TANC2: variants seen among roughly 807,000 people sequenced by gnomAD.
TANC2 encodes the protein tetratricopeptide repeat, ankyrin repeat and coiled-coil containing 2.
In TANC2, 26 loss-of-function variants were observed where a neutral mutation model predicts 210.5. That is an observed-to-expected ratio of 0.12 (90% CI 0.09 to 0.17). TANC2 has a LOEUF of 0.17. Among genes scored for constraint, TANC2 ranks in the 10% least tolerant of loss-of-function variants. The pLI, the probability that TANC2 is intolerant of heterozygous loss-of-function variation, is 1.00. For synonymous variants in TANC2, 931 were observed against 967.1 expected (o/e 0.96, Z 0.69); for missense variants, 2,129 against 2,608.9 (o/e 0.82, Z 4.01).
intron 4 of TANC2, among the ~76,000 whole-genome samples, chr17:63,111,753 A>G (rs1408926975): frequency 6.6e-6 from 1 of 152,006 alleles, no homozygotes; most frequent in East Asian, 1.9e-4. Context: ...TTGAGACTGT[A>G]TCTCACTCTG....
intron 14 of TANC2, among the ~76,000 whole-genome samples, chr17:63,379,491 G>A (rs938525426): frequency 9.2e-5 from 14 of 152,104 alleles, no homozygotes; most frequent in African/African-American, 2.9e-4. Flanking sequence ...CCAACATGGC[G>A]AAACCCCATC....
intron 2 of TANC2, among the ~76,000 whole-genome samples, chr17:63,057,580 T>C (rs916534287): frequency 6.6e-6 from 1 of 152,084 alleles, no homozygotes; most frequent in East Asian, 1.9e-4. Flanking sequence ...CTCTCTCTGC[T>C]CTCTCCCTTC....
chr17:63,224,200 C>T (rs911281709), intron 7 of TANC2, among the ~76,000 whole-genome samples: 1 of 151,796 alleles, frequency 6.6e-6, no homozygotes, highest in African/African-American at 2.4e-5. Context: ...TTAACCATCA[C>T]CACTGATGCT....
chr17:63,339,895 A>C (rs2046169896), intron 11 of TANC2, among the ~76,000 whole-genome samples: 1 of 152,196 alleles, frequency 6.6e-6, no homozygotes, highest in Admixed American at 6.5e-5. Flanking sequence ...AGAAGTATCA[A>C]ATTTCTGATC....
intron 2 of TANC2, among the ~76,000 whole-genome samples, chr17:63,064,778 A>G (rs2036135401): frequency 6.6e-6 from 1 of 152,048 alleles, no homozygotes; most frequent in African/African-American, 2.4e-5. Context: ...AAAAGTATAT[A>G]TTTATGACAT....
chr17:63,128,605 A>G (rs73991890), intron 4 of TANC2, among the ~76,000 whole-genome samples: 10,750 of 152,306 alleles, frequency 0.071, 674 homozygotes, highest in African/African-American at 0.17. Flanking sequence ...TTTAAGGGAA[A>G]GTGTTTAATA....
chr17:63,331,419 C>A, intron 11 of TANC2, among the ~76,000 whole-genome samples: 1 of 152,158 alleles, frequency 6.6e-6, no homozygotes, highest in East Asian at 1.9e-4. Flanking sequence ...GAACAAATCC[C>A]ACCAACAGTA....
chr17:63,381,123 T>C (rs916986355), intron 15 of TANC2: 16 of 152,250 alleles, frequency 1.1e-4, no homozygotes, highest in African/African-American at 3.9e-4. Context: ...CTGCCTTTGC[T>C]GCCCCATAAA....
At chr17:63,054,614 C>G in intron 2 of TANC2, among the ~76,000 whole-genome samples, 1 of 151,602 alleles carries the variant, frequency 6.6e-6, no homozygotes, top group East Asian at 1.9e-4. Flanking sequence ...ATCTCCTGAC[C>G]TTTTGATCCC....
intron 9 of TANC2, among the ~76,000 whole-genome samples, chr17:63,272,912 A>G (rs1373421991): frequency 6.6e-6 from 1 of 152,146 alleles, no homozygotes; most frequent in Non-Finnish European, 1.5e-5. Flanking sequence ...GGAACTTCAT[A>G]TAGGCAGAAT....
At chr17:63,287,957 G>A (rs769271253) in intron 9 of TANC2, among the ~76,000 whole-genome samples, 2 of 152,174 alleles carry the variant, frequency 1.3e-5, no homozygotes, top group Non-Finnish European at 2.9e-5. Context: ...GATTACAGGC[G>A]TGAGCCACTG....
intron 2 of TANC2, among the ~76,000 whole-genome samples, chr17:63,060,558 T>G (rs551804759): frequency 2.0e-5 from 3 of 152,256 alleles, no homozygotes; most frequent in African/African-American, 7.2e-5. Context: ...AGGCAGAGGT[T>G]GCAGTATGCT....
rs368801875 is a variant in TANC2, at chr17:63,126,092, GT to G, written c.323-25174del. The stretch of plus-strand genomic sequence containing the variant: ...TTACATGAGTGAATGACTTTGAACA[GT>G]TTTGATCACAATAAGTGCTCAATTA... On this transcript the variant is annotated intron_variant, in intron 4 of 27. Coordinates refer to ENST00000689528, the Ensembl canonical transcript of TANC2. 2.6e-4 allele frequency among the ~76,000 whole-genome samples: 40 copies of G among 152,298 alleles called. No homozygotes were observed. The East Asian group carries it at 5.6e-3, about 21-fold the overall frequency.
intron 2 of TANC2, among the ~76,000 whole-genome samples, chr17:63,050,568 G>A (rs2035548525): frequency 6.6e-6 from 1 of 152,176 alleles, no homozygotes. Context: ...AGTCTATCAT[G>A]TAGAGACTGG....
chr17:63,386,685 ATAAT>A (rs2047789683), intron 15 of TANC2, among the ~76,000 whole-genome samples: 1 of 151,864 alleles, frequency 6.6e-6, no homozygotes, highest in African/African-American at 2.4e-5. Context: ...AATGTGTTAA[ATAAT>A]AAACACTAAT....
intron 8 of TANC2, among the ~76,000 whole-genome samples, chr17:63,258,567 A>T (rs759907705): frequency 5.9e-5 from 9 of 152,018 alleles, no homozygotes; most frequent in Non-Finnish European, 1.3e-4. Flanking sequence ...CCACAAGATA[A>T]AGTCCTTCCC....
intron 11 of TANC2, among the ~76,000 whole-genome samples, chr17:63,339,782 A>T (rs546397807): frequency 1.3e-5 from 2 of 152,248 alleles, no homozygotes; most frequent in African/African-American, 4.8e-5. Context: ...TATCAATGTA[A>T]GTCTTTATTT....
intron 5 of TANC2, among the ~76,000 whole-genome samples, chr17:63,181,322 C>T (rs1320695662): frequency 4.6e-5 from 7 of 152,178 alleles, no homozygotes; most frequent in Non-Finnish European, 5.9e-5. Context: ...TAAACTAGCT[C>T]CCTGTAGGTT....
At chr17:63,173,836 T>C (rs2040490816) in intron 5 of TANC2, among the ~76,000 whole-genome samples, 1 of 152,196 alleles carries the variant, frequency 6.6e-6, no homozygotes, top group Non-Finnish European at 1.5e-5. Context: ...ATCAGACTTA[T>C]TCATATAAAA....
Sources: gnomAD v4.1 joint callset for allele counts (sites outside exome capture counted in the v4.1 genomes callset) on GRCh38, gnomAD v4.1.1 for gene constraint, MANE v1.5 for transcripts, NCBI Gene and HGNC (gene_info 2026-07-23, HGNC 2026-07-21) for gene names.